TXNDC15: variants seen among roughly 807,000 people sequenced by gnomAD.
TXNDC15 encodes the protein thioredoxin domain containing 15, also known as thioredoxin domain-containing protein 15.
Under a neutral mutation model 35.0 loss-of-function variants are expected in TXNDC15, and 24 were observed. The ratio of observed to expected loss-of-function variants is 0.68; its 90% CI spans 0.50 to 0.96. The LOEUF (loss-of-function observed/expected upper bound fraction) is 0.96, where lower values mean the gene tolerates loss of function less well. TXNDC15 is among the 40% of genes least tolerant of loss of function. The probability of loss-of-function intolerance (pLI) is 0.00; values close to 1 mark genes in which losing one functional copy is unlikely to be tolerated. For synonymous variants in TXNDC15, 169 were observed against 174.0 expected (o/e 0.97, Z 0.23); for missense variants, 385 against 453.3 (o/e 0.85, Z 1.37).
chr5:134,886,344 G>A (rs1750275012), intron 1 of TXNDC15, among the ~76,000 whole-genome samples: 1 of 152,354 alleles, frequency 6.6e-6, no homozygotes, highest in Admixed American at 6.5e-5. Context: ...CACCCAGCGG[G>A]TGGTTTCTTA....
intron 1 of TXNDC15, among the ~76,000 whole-genome samples, chr5:134,880,378 G>A (rs1049456771): frequency 2.1e-4 from 32 of 151,796 alleles, no homozygotes; most frequent in Non-Finnish European, 4.1e-4. Flanking sequence ...GGGTTCGCTG[G>A]TAATGAATTC....
chr5:134,896,499 G>T, intron 4 of TXNDC15, 75 bp downstream of exon 4: 1 of 1,565,400 alleles, frequency 6.4e-7, no homozygotes, highest in Non-Finnish European at 8.7e-7. Context: ...GTTCTGATCT[G>T]CTATAATCCT....
At chr5:134,898,815 CTGTGA>C (rs755732048) in intron 4 of TXNDC15, among the ~76,000 whole-genome samples, 17 of 152,142 alleles carry the variant, frequency 1.1e-4, no homozygotes, top group Non-Finnish European at 1.9e-4. Context: ...TGGCTCACAC[CTGTGA>C]TCCCAACACT....
At chr5:134,875,941 A>G (rs1212939531) in intron 1 of TXNDC15, among the ~76,000 whole-genome samples, 1 of 152,198 alleles carries the variant, frequency 6.6e-6, no homozygotes, top group Non-Finnish European at 1.5e-5. Flanking sequence ...GAGTGCTGGG[A>G]TTACAGGCTT....
intron 2 of TXNDC15, among the ~76,000 whole-genome samples, chr5:134,889,338 C>T (rs1750342038): frequency 6.6e-6 from 1 of 152,204 alleles, no homozygotes; most frequent in Non-Finnish European, 1.5e-5. Flanking sequence ...GGTTCTCCTG[C>T]CTCAGCCTCC....
intron 1 of TXNDC15, among the ~76,000 whole-genome samples, 153 bp downstream of exon 1, chr5:134,874,683 C>T (rs1346960225): frequency 6.6e-6 from 1 of 152,172 alleles, no homozygotes; most frequent in East Asian, 1.9e-4. Flanking sequence ...TCCCCGCGCA[C>T]CGCCCGCTGG....
Position 134,887,786 on chromosome 5 carries a change from G to A in TXNDC15, c.195G>A (p.Leu65=), listed in dbSNP as rs923059533. Residue 65 remains leucine, a synonymous_variant, in exon 2 of 5, where the codon CTG becomes CTA. Transcript: ENST00000358387. ...TGTACCTGGGTGAGGAGGAGCTCCT[G>A]CATGACCCGATGGGCCAGGACAGGG... ...GAVYLGEEEL[L]HDPMGQDRAA... The A allele has an allele frequency of 6.2e-7, 1 of 1,614,166 alleles. No individual in the cohort carries two copies. The highest frequency in any genetic ancestry group is 8.5e-7 in the Non-Finnish European group (1 of 1,179,998).
intron 1 of TXNDC15, 121 bp from the exon 2 acceptor site, chr5:134,887,574 A>T: frequency 1.6e-6 from 2 of 1,252,790 alleles, no homozygotes; most frequent in Non-Finnish European, 2.2e-6. Context: ...CTGATAGTTT[A>T]ATGAAAGGAG....
Position 134,901,468 on chromosome 5 carries a change from G to A in TXNDC15, c.*1783G>A, listed in dbSNP as rs1227361914. The A allele has an allele frequency of 6.6e-6, 1 of 152,178 alleles. No homozygotes were observed. The highest frequency in any genetic ancestry group is 1.5e-5 in the Non-Finnish European group (1 of 68,036). 9.4% of individuals were successfully genotyped at this position (152,178 alleles called of 1,614,324 possible). ...TTGTAAGTTGATGAAGCTGGGATTT[G>A]AATCTTCACATGTGTGTACTTATAA... On this transcript the variant is annotated 3_prime_UTR_variant, in exon 5 of 5. Transcript: ENST00000358387.
At chr5:134,887,217 C>T (rs1031738192) in intron 1 of TXNDC15, among the ~76,000 whole-genome samples, 3 of 152,208 alleles carry the variant, frequency 2.0e-5, no homozygotes, top group Non-Finnish European at 4.4e-5. Flanking sequence ...CGGAGTCTTG[C>T]TCTGTCGCCC....
At chr5:134,881,733 A>G (rs1750149852) in intron 1 of TXNDC15, among the ~76,000 whole-genome samples, 2 of 145,632 alleles carry the variant, frequency 1.4e-5, no homozygotes, top group Non-Finnish European at 1.5e-5. Flanking sequence ...GTGGCCGGGC[A>G]GAGGGGCTCC....
In TXNDC15 at chr5:134,893,391, C is replaced by T. The variant is rs977716817; in HGVS notation, c.592-101C>T. On this transcript the variant is annotated intron_variant, in intron 2 of 4. Transcript: ENST00000358387. ...CCTTCTCTCGCTGCTCCTACCCACC[C>T]GTTCCTCTCCCTGGAGCAGCAGTGT... 75 of 1,427,092 alleles carry T rather than the reference C, an allele frequency of 5.3e-5. No individual in the cohort carries two copies. In the South Asian group the frequency reaches 5.3e-4, roughly 10 times the overall value. 88.4% of individuals were successfully genotyped at this position (1,427,092 alleles called of 1,614,324 possible).
rs919511154 is a variant in TXNDC15, at chr5:134,879,821, G to A, written c.103+5291G>A. On this transcript the variant is annotated intron_variant, in intron 1 of 4. Transcript: ENST00000358387. ...TTTTTTTTTTTTTTTTGGATACAGA[G>A]CCTTGCTCTGTCACCCAGGCTGGAG... Among the ~76,000 whole-genome samples the A allele has an allele frequency of 2.9e-5, 4 of 140,066 alleles. No homozygotes were observed. The Admixed American group carries it at 2.9e-4, about 10-fold the overall frequency. 91.9% of individuals were successfully genotyped at this position (140,066 alleles called of 152,430 possible).
intron 1 of TXNDC15, chr5:134,875,177 C>G: frequency 4.4e-6 from 2 of 456,252 alleles, no homozygotes; most frequent in Non-Finnish European, 8.8e-6. Context: ...CCCGGTAACC[C>G]CCAACTTGCC....
At chr5:134,876,228 G>A (rs1750030536) in intron 1 of TXNDC15, among the ~76,000 whole-genome samples, 1 of 152,130 alleles carries the variant, frequency 6.6e-6, no homozygotes, top group African/African-American at 2.4e-5. Flanking sequence ...TGCCCTGTGT[G>A]GCTGTCCTGT....
At chr5:134,891,542 A>G (rs1405587372) in intron 2 of TXNDC15, among the ~76,000 whole-genome samples, 1 of 152,170 alleles carries the variant, frequency 6.6e-6, no homozygotes, top group African/African-American at 2.4e-5. Context: ...ATGTACTGTC[A>G]TCCAGGCTTT....
chr5:134,883,302 G>A (rs1750198322), intron 1 of TXNDC15, among the ~76,000 whole-genome samples: 1 of 152,104 alleles, frequency 6.6e-6, no homozygotes, highest in Admixed American at 6.5e-5. Flanking sequence ...GCACATGCCT[G>A]TAATCCCAGC....
At position 134,899,591 on chromosome 5, in the gene TXNDC15, T is replaced by C. The variant is rs1268175332; in HGVS notation, c.989T>C (p.Leu330Ser). The change falls in exon 5 of 5, where the codon TTA (leucine) becomes TCA (serine). Residue 330 changes from leucine to serine, a missense_variant. Coordinates refer to ENST00000358387, the MANE Select transcript of TXNDC15 (RefSeq NM_024715.4). ...GTGGACTGGTTGCTTGTATTTTCCT[T>C]ATTCTTTTTAATTAGTTTTATTATG... ...KSVDWLLVFS[L>S]FFLISFIMYA... is the part of the protein sequence containing the mutation. 1 of 1,613,890 alleles carries C rather than the reference T, an allele frequency of 6.2e-7. No individual in the cohort carries two copies. The highest frequency in any genetic ancestry group is 8.5e-7 in the Non-Finnish European group (1 of 1,180,004).
intron 2 of TXNDC15, among the ~76,000 whole-genome samples, chr5:134,888,701 C>G (rs1487367442): frequency 1.3e-5 from 2 of 152,132 alleles, no homozygotes; most frequent in East Asian, 3.9e-4. Context: ...AGGCTGGTCT[C>G]AAACTCCTGA....
Sources: gnomAD v4.1 joint callset for allele counts (sites outside exome capture counted in the v4.1 genomes callset) on GRCh38, gnomAD v4.1.1 for gene constraint, MANE v1.5 for transcripts, NCBI Gene and HGNC (gene_info 2026-07-23, HGNC 2026-07-21) for gene names.